CUL3: variants seen among roughly 807,000 people sequenced by gnomAD.
The protein encoded by CUL3 is cullin-3.
CUL3 carries 19 observed loss-of-function variants against 89.1 expected under a neutral mutation model. The observed-to-expected ratio is 0.21, with a 90% CI of 0.15 to 0.31. The LOEUF (loss-of-function observed/expected upper bound fraction) is 0.31, where lower values mean the gene tolerates loss of function less well. Ranked by LOEUF, CUL3 falls within the 10% of genes least tolerant of loss-of-function variation. The pLI is 1.00. For synonymous variants in CUL3, 351 were observed against 308.4 expected (o/e 1.14, Z -1.45); for missense variants, 469 against 942.3 (o/e 0.50, Z 6.58).
At chr2:224,559,781 T>C (rs1173116869) in intron 1 of CUL3, among the ~76,000 whole-genome samples, 5 of 152,136 alleles carry the variant, frequency 3.3e-5, no homozygotes, top group African/African-American at 9.7e-5. Context: ...TGATCACTCC[T>C]ACTCCTTGAA....
intron 8 of CUL3, 140 bp downstream of exon 8, chr2:224,505,816 T>A: frequency 2.1e-6 from 1 of 474,462 alleles, no homozygotes; most frequent in Non-Finnish European, 3.5e-6. Context: ...TCAAACAATA[T>A]TTTTTAATAG....
At chr2:224,567,083 T>C (rs773220620) in intron 1 of CUL3, among the ~76,000 whole-genome samples, 3 of 152,218 alleles carry the variant, frequency 2.0e-5, no homozygotes, top group South Asian at 2.1e-4. Context: ...ATGGGTTCCA[T>C]CGTGTTATTC....
intron 3 of CUL3, among the ~76,000 whole-genome samples, chr2:224,523,387 T>TA (rs35075378): frequency 0.48 from 69,215 of 144,704 alleles, 16,279 homozygotes; most frequent in East Asian, 0.6. Flanking sequence ...AGAGTTACTA[T>TA]AAAAAAAAAA....
At chr2:224,486,393 C>T (rs1691724022) in intron 13 of CUL3, among the ~76,000 whole-genome samples, 1 of 152,008 alleles carries the variant, frequency 6.6e-6, no homozygotes, top group Non-Finnish European at 1.5e-5. Context: ...GAACTGCTAA[C>T]TAGAATAACC....
chr2:224,528,418 C>T (rs746053811), intron 3 of CUL3, among the ~76,000 whole-genome samples: 1 of 152,174 alleles, frequency 6.6e-6, no homozygotes, highest in Non-Finnish European at 1.5e-5. Flanking sequence ...AGGGGAACAG[C>T]CCAGGATAAT....
At chr2:224,499,927 T>C (rs1404327499) in intron 11 of CUL3, 1 of 154,308 alleles carries the variant, frequency 6.5e-6, no homozygotes, top group Non-Finnish European at 1.4e-5. Flanking sequence ...CTCTTGTTTT[T>C]TTTTCATCTT....
intron 2 of CUL3, among the ~76,000 whole-genome samples, chr2:224,544,341 T>C (rs1033606012): frequency 2.0e-5 from 3 of 152,192 alleles, no homozygotes; most frequent in African/African-American, 7.2e-5. Flanking sequence ...CCAAAACATG[T>C]TGCCTGTTTC....
intron 6 of CUL3, among the ~76,000 whole-genome samples, chr2:224,507,538 A>C (rs989262181): frequency 6.6e-6 from 1 of 152,178 alleles, no homozygotes; most frequent in Non-Finnish European, 1.5e-5. Flanking sequence ...ACTAGGATTT[A>C]CTTCATTACA....
At chr2:224,536,643 C>T (rs1325794555) in intron 2 of CUL3, among the ~76,000 whole-genome samples, 2 of 152,192 alleles carry the variant, frequency 1.3e-5, no homozygotes, top group Non-Finnish European at 2.9e-5. Flanking sequence ...GGATTACCTG[C>T]TTTTGCACAT....
chr2:224,514,613 T>G lies in CUL3; in HGVS notation c.538A>C (p.Arg180=). ...ARERKGEVVD[R]GAIRNACQML... ...CAAGAGTAAAGAGAGAAATTTTACC[T>G]GTCTACGACTTCTCCTTTCCGCTCT... The change falls in exon 4 of 16, where the codon AGA becomes CGA. Residue 180 remains arginine, a splice_region_variant and synonymous_variant. Coordinates refer to ENST00000264414, the MANE Select transcript of CUL3 (RefSeq NM_003590.5). The G allele has an allele frequency of 6.2e-7, 1 of 1,600,872 alleles. No homozygotes were observed. The highest frequency in any genetic ancestry group is 1.3e-5 in the African/African-American group (1 of 74,746).
chr2:224,577,869 G>C (rs1332839312), intron 1 of CUL3, among the ~76,000 whole-genome samples: 1 of 152,158 alleles, frequency 6.6e-6, no homozygotes, highest in Non-Finnish European at 1.5e-5. Context: ...ATACAACCTT[G>C]AGAAATATAA....
At chr2:224,514,062 T>G (rs889356268) in intron 4 of CUL3, among the ~76,000 whole-genome samples, 11 of 152,056 alleles carry the variant, frequency 7.2e-5, no homozygotes, top group African/African-American at 2.7e-4. Context: ...AAAAAGAACT[T>G]TACACGTTTT....
Position 224,470,849 on chromosome 2 carries a change from T to C in CUL3, c.*3396A>G, listed in dbSNP as rs1012643482. On this transcript the variant is annotated 3_prime_UTR_variant, in exon 16 of 16. Transcript: ENST00000264414. ...CTATTCATGTGAATGAGGTACAAAA[T>C]AAATGAAAATTTTTTAATATGGAAA... is the stretch of plus-strand genomic sequence containing the variant. 1 of 230,012 alleles carries C rather than the reference T, an allele frequency of 4.3e-6. No individual in the cohort carries two copies. Among genetic ancestry groups the C allele is most frequent in the Admixed American group, 5.6e-5 (1 of 17,700 alleles). 14.2% of individuals were successfully genotyped at this position (230,012 alleles called of 1,614,324 possible). A position where few individuals can be genotyped will look rare whatever the true frequency, so the allele number is the denominator to read the frequency against.
Position 224,474,260 on chromosome 2 carries a change from G to A in CUL3, c.2292C>T (p.Tyr764=), listed in dbSNP as rs763942751. 2 of 1,613,914 alleles carry A rather than the reference G, an allele frequency of 1.2e-6. No homozygotes were observed. The highest frequency in any genetic ancestry group is 1.1e-5 in the South Asian group (1 of 91,050). Residue 764 remains tyrosine, a synonymous_variant, in exon 16 of 16, where the codon TAC becomes TAT. Coordinates refer to ENST00000264414, the MANE Select transcript of CUL3 (RefSeq NM_003590.5). ...LARTPEDRKV[Y]TYVA ...TGAACGCATTTTATGCTACATATGT[G>A]TATACTTTGCGATCCTCAGGTGTTC...
chr2:224,562,318 A>G (rs1013686452), intron 1 of CUL3, among the ~76,000 whole-genome samples: 2 of 151,944 alleles, frequency 1.3e-5, no homozygotes, highest in Non-Finnish European at 2.9e-5. Context: ...TTCTGGTGAT[A>G]GCTAAGGTTA....
chr2:224,516,932 A>C (rs958342834), intron 3 of CUL3, among the ~76,000 whole-genome samples: 12 of 152,130 alleles, frequency 7.9e-5, no homozygotes, highest in African/African-American at 2.7e-4. Flanking sequence ...GGTGTGAGCC[A>C]CCGCCTGTAA....
chr2:224,471,114 C>T lies in CUL3; in HGVS notation c.*3131G>A, dbSNP rs1574601716. 4.6e-6 allele frequency: 1 copy of T among 219,690 alleles called. No individual in the cohort carries two copies. The highest frequency in any genetic ancestry group is 2.2e-5 in the African/African-American group (1 of 44,620). 13.6% of individuals were successfully genotyped at this position (219,690 alleles called of 1,614,324 possible). A position where few individuals can be genotyped will look rare whatever the true frequency, so the allele number is the denominator to read the frequency against. ...TTTCTGCTTTGAGGACTAGAAATGA[C>T]TTCTAATTTTGCTGACCTGAAATGT... is the stretch of plus-strand genomic sequence containing the variant. On this transcript the variant is annotated 3_prime_UTR_variant, in exon 16 of 16. Transcript: ENST00000264414.
chr2:224,472,477 T>C lies in CUL3; in HGVS notation c.*1768A>G, dbSNP rs567982837. ...CTTTCCTATAAACATCTTACCATTA[T>C]AGAAAATTTCCAATTATGTCAAAAT... On this transcript the variant is annotated 3_prime_UTR_variant, in exon 16 of 16. Coordinates refer to ENST00000264414, the MANE Select transcript of CUL3 (RefSeq NM_003590.5). 9 of 193,024 alleles carry C rather than the reference T, an allele frequency of 4.7e-5. No individual in the cohort carries two copies. The South Asian group carries it at 9.7e-4, about 21-fold the overall frequency. 12.0% of individuals were successfully genotyped at this position (193,024 alleles called of 1,614,324 possible).
intron 1 of CUL3, among the ~76,000 whole-genome samples, chr2:224,584,534 G>A (rs1574714675): frequency 6.6e-6 from 1 of 152,012 alleles, no homozygotes; most frequent in African/African-American, 2.4e-5. Context: ...AATTTTCAAA[G>A]TGTAGCGAAA....
Sources: allele counts gnomAD v4.1 joint callset (sites outside exome capture counted in the v4.1 genomes callset), GRCh38; gene constraint gnomAD v4.1.1; transcripts MANE v1.5; gene names NCBI Gene and HGNC (gene_info 2026-07-23, HGNC 2026-07-21).